UNKL: variants seen among roughly 807,000 people sequenced by gnomAD.
UNKL encodes the protein putative E3 ubiquitin-protein ligase UNKL.
In UNKL, 60 loss-of-function variants were observed where a neutral mutation model predicts 78.0. The observed-to-expected ratio is 0.77, with a 90% CI of 0.63 to 0.95. UNKL has a LOEUF of 0.95. Among genes scored for constraint, UNKL ranks in the 40% least tolerant of loss-of-function variants. UNKL has a pLI of 0.00. For missense variants in UNKL, 1,159 were observed against 1,045.7 expected, an observed-to-expected ratio of 1.11 and a Z score of -1.49; for synonymous variants, 608 against 474.8, an observed-to-expected ratio of 1.28 and a Z score of -3.65.
chr16:1,393,015 G>A (rs556808494), intron 7 of UNKL, 39 bp from the exon 8 acceptor site: 11 of 1,544,168 alleles, frequency 7.1e-6, no homozygotes, highest in Non-Finnish European at 9.6e-6. Context: ...GAGGGCCGCT[G>A]GTGGGCGACA....
chr16:1,367,375 C>T (rs1375299320), intron 13 of UNKL, 26 bp from the exon 14 acceptor site: 3 of 1,519,048 alleles, frequency 2.0e-6, no homozygotes, highest in East Asian at 4.9e-5. Flanking sequence ...CGTCTCAGCA[C>T]CCCCCACCTC....
intron 3 of UNKL, among the ~76,000 whole-genome samples, 183 bp downstream of exon 3, chr16:1,402,985 C>G (rs968751802): frequency 6.6e-6 from 1 of 152,136 alleles, no homozygotes; most frequent in Non-Finnish European, 1.5e-5. Context: ...GAACGAGAAT[C>G]CGTCTCAAAA....
At chr16:1,402,626 G>A (rs1386541176) in intron 3 of UNKL, among the ~76,000 whole-genome samples, 2 of 151,786 alleles carry the variant, frequency 1.3e-5, no homozygotes, top group African/African-American at 2.4e-5. Context: ...TCACGCCACT[G>A]CACTCCAGCC....
At chr16:1,401,379 G>C in intron 4 of UNKL, 189 bp downstream of exon 4, 7 of 649,180 alleles carry the variant, frequency 1.1e-5, no homozygotes, top group Middle Eastern at 9.3e-4. Context: ...GAAGGCGCCT[G>C]GGCCCAAATC....
chr16:1,376,428 C>T (rs1722873354), intron 10 of UNKL, among the ~76,000 whole-genome samples: 2 of 150,750 alleles, frequency 1.3e-5, no homozygotes, highest in South Asian at 2.1e-4. Flanking sequence ...TGGGGATGCT[C>T]CTCCTCCCTC....
At chr16:1,366,700 C>T (rs1259707468) in intron 14 of UNKL, among the ~76,000 whole-genome samples, 1 of 152,228 alleles carries the variant, frequency 6.6e-6, no homozygotes, top group Non-Finnish European at 1.5e-5. Context: ...GTGGGCTACG[C>T]AGGACCCTCT....
intron 10 of UNKL, among the ~76,000 whole-genome samples, chr16:1,375,566 C>T (rs1479612214): frequency 2.0e-5 from 3 of 152,178 alleles, no homozygotes; most frequent in East Asian, 1.9e-4. Context: ...CGGCACACGG[C>T]GCATGCGGGA....
intron 6 of UNKL, among the ~76,000 whole-genome samples, chr16:1,394,668 G>A (rs1249107259): frequency 6.6e-6 from 1 of 152,172 alleles, no homozygotes; most frequent in Non-Finnish European, 1.5e-5. Context: ...AGACCAGCCT[G>A]GAAGCCCCCA....
rs202202852 is a variant in UNKL at position 1,414,015 on chromosome 16, A to G, written c.118T>C (p.Ser40Pro). The part of the protein sequence containing the change: ...EFRTEQCPLF[S>P]QHKCAQHRPF... Reference sequence around the variant, plus strand: ...CGGTGCTGCGCGCACTTGTGCTGTGAAAACAGGGGGCACTGCTCCGTCCTG... The same window carrying G: ...CGGTGCTGCGCGCACTTGTGCTGTGGAAACAGGGGGCACTGCTCCGTCCTG... Residue 40 changes from serine to proline, a missense_variant, in exon 2 of 15, where the codon TCA becomes CCA. Transcript: ENST00000389221. 11 of 1,551,308 alleles carry G rather than the reference A, an allele frequency of 7.1e-6. No homozygotes were observed. The Admixed American group carries it at 1.6e-4, about 22-fold the overall frequency.
In UNKL at chr16:1,363,784, C is replaced by G. The variant is rs918421629; in HGVS notation, c.*2456G>C. The G allele has an allele frequency of 6.3e-6, 1 of 159,180 alleles. No homozygotes were observed. Among genetic ancestry groups the G allele is most frequent in the Non-Finnish European group, 1.4e-5 (1 of 72,254 alleles). 9.9% of individuals were successfully genotyped at this position (159,180 alleles called of 1,614,324 possible). ...TTTCCAACCCTGGCAGCGCTGCCAGCCATTCTTTGGTCTTCCCACTGCTCA... is the reference window on the plus strand; with the variant it reads ...TTTCCAACCCTGGCAGCGCTGCCAGGCATTCTTTGGTCTTCCCACTGCTCA... On this transcript the variant is annotated 3_prime_UTR_variant, in exon 15 of 15. Transcript: ENST00000389221.
chr16:1,367,867 G>GA lies in UNKL; in HGVS notation c.1586-10dup. 6.4e-7 allele frequency: 1 copy of GA among 1,552,110 alleles called. No homozygotes were observed. ...GGGGACACCGTTCAAACCTGAGTGT[G>GA]AAACGGTCGATGACGGCCCAGCCCT... On this transcript the variant is annotated splice_polypyrimidine_tract_variant and intron_variant, in intron 12 of 14. Transcript: ENST00000389221.
chr16:1,366,540 C>A, intron 14 of UNKL, 145 bp from the exon 15 acceptor site: 1 of 1,062,408 alleles, frequency 9.4e-7, no homozygotes, highest in Non-Finnish European at 1.3e-6. Flanking sequence ...GACGCCCCAG[C>A]CAGGGCCACC....
intron 10 of UNKL, among the ~76,000 whole-genome samples, chr16:1,384,344 C>T (rs1475862160): frequency 6.6e-6 from 1 of 152,138 alleles, no homozygotes; most frequent in African/African-American, 2.4e-5. Context: ...GTCTTGCCCC[C>T]AGCTCTGCCT....
chr16:1,367,397 C>G (rs1232489377), intron 13 of UNKL, 48 bp from the exon 14 acceptor site: 1 of 1,502,654 alleles, frequency 6.7e-7, no homozygotes, highest in Non-Finnish European at 8.9e-7. Context: ...CCTGTGCCAC[C>G]TGCAGACCCT....
Position 1,363,325 on chromosome 16 carries a change from G to A in UNKL, c.*2915C>T, listed in dbSNP as rs1008041077. On this transcript the variant is annotated 3_prime_UTR_variant, in exon 15 of 15. Transcript: ENST00000389221. ...AACAAGTGTTAACTTTAAACAGTTC[G>A]CTACAAGTAAATGATTATAAATACT... 98 of 534,764 alleles carry A rather than the reference G, an allele frequency of 1.8e-4. 1 individual carries two copies. In the Admixed American group the frequency reaches 2.5e-3, roughly 14 times the overall value. 33.1% of individuals were successfully genotyped at this position (534,764 alleles called of 1,614,324 possible).
intron 10 of UNKL, chr16:1,379,310 C>A (rs1567213237): frequency 3.9e-6 from 1 of 256,500 alleles, no homozygotes; most frequent in African/African-American, 2.3e-5. Context: ...CCTCTCCTGC[C>A]CCGCTCCGCT....
At position 1,369,997 on chromosome 16, in the gene UNKL, A is replaced by G; in HGVS notation, c.1585+133T>C. ...CTGCGGCGTGGGGGAACCTGTGAGC[A>G]GCAGGTCATGTGGTTTGCCACCACA... On this transcript the variant is annotated intron_variant, in intron 12 of 14. Transcript: ENST00000389221. 6 of 1,551,190 alleles carry G rather than the reference A, an allele frequency of 3.9e-6. 1 individual carries two copies. The highest frequency in any genetic ancestry group is 5.2e-6 in the Non-Finnish European group (6 of 1,146,978).
In UNKL at chr16:1,365,658, A is replaced by G. The variant is rs946245927; in HGVS notation, c.*582T>C. On this transcript the variant is annotated 3_prime_UTR_variant, in exon 15 of 15. Coordinates refer to ENST00000389221, the MANE Select transcript of UNKL (RefSeq NM_001372107.1). ...TAAAAATCCTAGGTCTTACTACTAG[A>G]TAAACACTCATTTCATAAGTACTAG... is the stretch of plus-strand genomic sequence containing the variant. 3 of 152,600 alleles carry G rather than the reference A, an allele frequency of 2.0e-5. No homozygotes were observed. Among genetic ancestry groups the G allele is most frequent in the African/African-American group, 7.2e-5 (3 of 41,444 alleles). The allele number at this position is 152,600 out of a possible 1,614,324, so 9.5% of individuals were successfully genotyped here.
chr16:1,401,523 G>GGGGGGGCCCCCCCC, intron 4 of UNKL, 45 bp downstream of exon 4: 1 of 1,470,318 alleles, frequency 6.8e-7, no homozygotes. Context: ...CTCGCGCTGT[G>GGGGGGGCCCCCCCC]CCCGCCCCCC....
Sources: gnomAD v4.1 joint callset for allele counts (sites outside exome capture counted in the v4.1 genomes callset) on GRCh38, gnomAD v4.1.1 for gene constraint, MANE v1.5 for transcripts, NCBI Gene and HGNC (gene_info 2026-07-23, HGNC 2026-07-21) for gene names.